The following PCDH15 variants were observed in gnomAD, a reference collection of about 807,000 sequenced individuals.
PCDH15 encodes the protein protocadherin-15.
PCDH15 carries 129 observed loss-of-function variants against 178.5 expected under a neutral mutation model. That is an observed-to-expected ratio of 0.72 (90% CI 0.63 to 0.84). The LOEUF (loss-of-function observed/expected upper bound fraction) is 0.84. PCDH15 is among the 40% of genes least tolerant of loss of function. PCDH15 has a pLI of 0.00. For synonymous variants in PCDH15, 800 were observed against 732.0 expected (o/e 1.09, Z -1.50); for missense variants, 2,230 against 2,099.9 (o/e 1.06, Z -1.21).
intron 2 of PCDH15, among the ~76,000 whole-genome samples, chr10:55,031,230 T>A (rs1840601541): frequency 6.6e-6 from 1 of 152,182 alleles, no homozygotes; most frequent in African/African-American, 2.4e-5. Context: ...TACATCATAA[T>A]CTGTGTTGTT....
At position 54,964,719 on chromosome 10, in the gene PCDH15, G is replaced by A. The variant is rs542512634; in HGVS notation, c.-79-67219C>T. Among the ~76,000 whole-genome samples, 11 of 152,294 alleles carry A rather than the reference G, an allele frequency of 7.2e-5. No homozygotes were observed. In the South Asian group the frequency reaches 2.3e-3, roughly 32 times the overall value. ...AGCGTTTGCAAGGGAACTCTAGGAAGTAAGAGGCCATTTTCCCTGGGGCTT... is the reference window on the plus strand; with the variant it reads ...AGCGTTTGCAAGGGAACTCTAGGAAATAAGAGGCCATTTTCCCTGGGGCTT... On this transcript the variant is annotated intron_variant, in intron 2 of 5. Coordinates refer to the PCDH15 transcript ENST00000458638.
Position 54,023,170 on chromosome 10 carries a change from C to G in PCDH15, c.2248G>C (p.Gly750Arg). 1.9e-6 allele frequency: 3 copies of G among 1,613,548 alleles called. No homozygotes were observed. Among genetic ancestry groups the G allele is most frequent in the Non-Finnish European group, 2.5e-6 (3 of 1,179,838 alleles). ...KATDPDAGIN[G>R]QVHYSLGNFN... ...TTACCCAAACTGTAGTGCACTTGAC[C>G]ATTTATTCCAGCATCAGGGTCTGTT... Residue 750 changes from glycine (G) to arginine (R), a missense_variant, in exon 19 of 38, where the codon GGT becomes CGT. Transcript: ENST00000644397.
chr10:54,864,496 A>T (rs972893387), intron 3 of PCDH15, among the ~76,000 whole-genome samples: 2 of 152,208 alleles, frequency 1.3e-5, no homozygotes, highest in Non-Finnish European at 2.9e-5. Flanking sequence ...TATATCAAGG[A>T]TAGATGTACG....
At chr10:53,819,482 T>C (rs901354906) in intron 33 of PCDH15, among the ~76,000 whole-genome samples, 1 of 152,016 alleles carries the variant, frequency 6.6e-6, no homozygotes, top group Admixed American at 6.6e-5. Context: ...ACATGACTAT[T>C]GATACTTATA....
intron 32 of PCDH15, chr10:53,822,689 T>C (rs1234576918): frequency 1.9e-6 from 3 of 1,614,038 alleles, no homozygotes; most frequent in Non-Finnish European, 2.5e-6. Context: ...GTTCCACAGT[T>C]CTTGAAACAG....
chr10:54,796,274 G>C (rs61854142), intron 1 of PCDH15, among the ~76,000 whole-genome samples: 2,587 of 56,526 alleles, frequency 0.046, 34 homozygotes, highest in South Asian at 0.12. Flanking sequence ...ATCTATCTAT[G>C]TATCTATGTA....
intron 2 of PCDH15, among the ~76,000 whole-genome samples, chr10:55,549,877 G>C (rs889515068): frequency 3.3e-5 from 5 of 152,058 alleles, no homozygotes; most frequent in African/African-American, 7.2e-5. Flanking sequence ...AAGACTAGAG[G>C]GGAGATAGTG....
chr10:54,681,787 T>G (rs766189010), intron 1 of PCDH15, among the ~76,000 whole-genome samples: 1 of 152,178 alleles, frequency 6.6e-6, no homozygotes, highest in African/African-American at 2.4e-5. Flanking sequence ...TGTGCACTTG[T>G]GTTAAAGATA....
At chr10:53,810,728 TG>T in intron 36 of PCDH15, 64 bp from the exon 37 acceptor site, 9 of 1,401,064 alleles carry the variant, frequency 6.4e-6, no homozygotes, top group Non-Finnish European at 9.1e-6. Flanking sequence ...CTACCATGAG[TG>T]ATCTGTTTCC....
chr10:55,043,286 G>A (rs1443650954), intron 2 of PCDH15, among the ~76,000 whole-genome samples: 1 of 151,660 alleles, frequency 6.6e-6, no homozygotes, highest in Non-Finnish European at 1.5e-5. Context: ...TTTTTGTCTT[G>A]GAATCATCTG....
intron 3 of PCDH15, among the ~76,000 whole-genome samples, chr10:54,442,070 CAAGTA>C (rs965874220): frequency 2.6e-5 from 4 of 151,368 alleles, no homozygotes; most frequent in Non-Finnish European, 5.9e-5. Flanking sequence ...AATATTAAAA[CAAGTA>C]AAGTTGCCAT....
At chr10:54,861,941 C>T (rs1286718556) in intron 3 of PCDH15, among the ~76,000 whole-genome samples, 4 of 152,136 alleles carry the variant, frequency 2.6e-5, no homozygotes, top group African/African-American at 9.6e-5. Flanking sequence ...GTAAATACAC[C>T]TTCAGTTAAC....
chr10:54,046,971 AAACTG>A (rs760535703), intron 18 of PCDH15, among the ~76,000 whole-genome samples: 1 of 152,132 alleles, frequency 6.6e-6, no homozygotes, highest in Non-Finnish European at 1.5e-5. Context: ...TAGAGAAGGA[AAACTG>A]AACTGAACTA....
At chr10:55,125,472 G>A (rs1438813804) in intron 2 of PCDH15, among the ~76,000 whole-genome samples, 2 of 151,956 alleles carry the variant, frequency 1.3e-5, no homozygotes, top group East Asian at 3.9e-4. Flanking sequence ...TTTTACAAGT[G>A]GAAGTCAGAG....
chr10:54,361,805 A>T (rs1411914849), intron 5 of PCDH15, among the ~76,000 whole-genome samples: 3 of 152,106 alleles, frequency 2.0e-5, no homozygotes, highest in Non-Finnish European at 1.5e-5. Context: ...CTCGGGAAAT[A>T]AATATGAATT....
intron 2 of PCDH15, among the ~76,000 whole-genome samples, chr10:54,561,856 C>A (rs1233331123): frequency 6.6e-6 from 1 of 150,856 alleles, no homozygotes; most frequent in Admixed American, 6.6e-5. Context: ...ATTATTATTT[C>A]TATTTTTAGT....
chr10:53,934,823 A>G (rs1198377766), intron 25 of PCDH15, among the ~76,000 whole-genome samples: 1 of 152,056 alleles, frequency 6.6e-6, no homozygotes, highest in Non-Finnish European at 1.5e-5. Flanking sequence ...CTCCAGCATA[A>G]GTTCCAATAA....
chr10:55,490,049 T>A (rs1411434269), intron 2 of PCDH15, among the ~76,000 whole-genome samples: 4 of 151,370 alleles, frequency 2.6e-5, no homozygotes, highest in South Asian at 4.2e-4. Context: ...GAAAAAAAAA[T>A]TTGAAAAATA....
intron 2 of PCDH15, among the ~76,000 whole-genome samples, chr10:54,644,298 A>G (rs1480938393): frequency 6.7e-6 from 1 of 149,864 alleles, no homozygotes; most frequent in Non-Finnish European, 1.5e-5. Context: ...AGCTTTGAAA[A>G]TAACTGAAAC....
Sources: allele counts gnomAD v4.1 joint callset (sites outside exome capture counted in the v4.1 genomes callset), GRCh38; gene constraint gnomAD v4.1.1; transcripts MANE v1.5; gene names NCBI Gene and HGNC (gene_info 2026-07-23, HGNC 2026-07-21).